Variants in SOS2 observed in about 807,000 individuals in gnomAD.
The protein encoded by SOS2 is son of sevenless homolog 2.
A neutral mutation model predicts 148.2 loss-of-function variants in SOS2; 65 were observed. The observed-to-expected ratio is 0.44, with a 90% CI of 0.36 to 0.54. The LOEUF is 0.54. SOS2 is among the 20% of genes least tolerant of loss of function. SOS2 has a pLI of 0.00. For missense variants in SOS2, 1,341 were observed against 1,590.2 expected (o/e 0.84, Z 2.67); for synonymous variants, 539 against 537.1 (o/e 1.00, Z -0.05).
chr14:50,159,630 C>T lies in SOS2; in HGVS notation c.1653G>A (p.Met551Ile), dbSNP rs1420408221. 1 of 1,613,790 alleles carries T rather than the reference C, an allele frequency of 6.2e-7. No individual in the cohort carries two copies. The highest frequency in any genetic ancestry group is 8.5e-7 in the Non-Finnish European group (1 of 1,179,756). ...SLHYRSTLDRMLDSVLLKEEN... is the reference protein window; with the variant it reads ...SLHYRSTLDRILDSVLLKEEN... ...CTTCTTTCAATAATACTGAATCTAACATTCGATCTAGAGTACTACGATAAT... is the reference window on the plus strand; with the variant it reads ...CTTCTTTCAATAATACTGAATCTAATATTCGATCTAGAGTACTACGATAAT... The change falls in exon 10 of 23, where the codon ATG (methionine) becomes ATA (isoleucine). Residue 551 changes from methionine (M) to isoleucine (I), a missense_variant. This residue lies in a region of SOS2 where 574 missense variants were observed against 711.1 expected (regional missense o/e 0.81). Transcript: ENST00000216373.
intron 1 of SOS2, among the ~76,000 whole-genome samples, chr14:50,211,551 T>G (rs58565092): frequency 0.27 from 40,481 of 148,390 alleles, 6,090 homozygotes; most frequent in East Asian, 0.45. Flanking sequence ...GCAGCATTTG[T>G]TTTTTTTTTG....
In SOS2 at chr14:50,182,504, G is replaced by A. The variant is rs939707624; in HGVS notation, c.817C>T (p.Pro273Ser). 6.2e-7 allele frequency: 1 copy of A among 1,613,692 alleles called. No individual in the cohort carries two copies. The highest frequency in any genetic ancestry group is 1.7e-5 in the Admixed American group (1 of 59,990). ...DTVEMTDESS[P>S]HPLAGSCFED... is the part of the protein sequence containing the mutation. ...AAACAGCTGCCAGCTAAGGGATGAG[G>A]ACTGCTTTCATCAGTCATTTCAACT... The change falls in exon 6 of 23, where the codon CCT becomes TCT. Residue 273 changes from proline to serine, a missense_variant. Pro to Ser is a moderately conservative substitution (Grantham distance 74). Around this residue, in one of 4 missense-constraint regions of SOS2, gnomAD observed 574 missense variants for 711.1 expected, o/e 0.81. Transcript: ENST00000216373.
At chr14:50,180,754 T>C in intron 6 of SOS2, 72 bp from the exon 7 acceptor site, 3 of 833,258 alleles carry the variant, frequency 3.6e-6, no homozygotes, top group Non-Finnish European at 5.6e-6. Flanking sequence ...TACAGATTAT[T>C]ATCACTTGAT....
intron 4 of SOS2, among the ~76,000 whole-genome samples, chr14:50,198,625 T>C (rs984384204): frequency 3.3e-5 from 5 of 152,218 alleles, no homozygotes; most frequent in African/African-American, 4.8e-5. Flanking sequence ...CAGTCAAGGC[T>C]GAGAACCACC....
At chr14:50,180,713 G>T in intron 6 of SOS2, 31 bp from the exon 7 acceptor site, 2 of 1,230,042 alleles carry the variant, frequency 1.6e-6, no homozygotes, top group Non-Finnish European at 1.2e-6. Flanking sequence ...AAAGCATTAG[G>T]TTTAAAAGAA....
chr14:50,199,201 T>C (rs1029309748), intron 4 of SOS2, among the ~76,000 whole-genome samples: 2 of 152,044 alleles, frequency 1.3e-5, no homozygotes, highest in African/African-American at 4.8e-5. Context: ...TATAGAAGAA[T>C]ATGGAAGACT....
intron 7 of SOS2, among the ~76,000 whole-genome samples, chr14:50,178,087 C>T (rs145834747): frequency 5.9e-5 from 9 of 152,222 alleles, no homozygotes; most frequent in Admixed American, 2.6e-4. Flanking sequence ...TCAGAGAAGA[C>T]GAAAATTGGG....
intron 1 of SOS2, among the ~76,000 whole-genome samples, chr14:50,223,256 C>T (rs1034692440): frequency 2.0e-5 from 3 of 152,106 alleles, no homozygotes; most frequent in South Asian, 2.1e-4. Context: ...AAAAAGTTGG[C>T]CGGGTGTGGT....
intron 8 of SOS2, among the ~76,000 whole-genome samples, chr14:50,164,063 G>T (rs1885093678): frequency 6.6e-6 from 1 of 152,184 alleles, no homozygotes; most frequent in Admixed American, 6.5e-5. Flanking sequence ...ATTTTCAGCA[G>T]TGAGATTTGA....
rs756422788 is a variant in SOS2, at chr14:50,180,563, T to C, written c.969+9A>G. Reference sequence around the variant, plus strand: ...AAAAAAAAAAAAAAAACCTTCAATTTAAGTTTACCTGAAAGTGTAGAGCAA... The same window carrying C: ...AAAAAAAAAAAAAAAACCTTCAATTCAAGTTTACCTGAAAGTGTAGAGCAA... On this transcript the variant is annotated intron_variant, in intron 7 of 22. Transcript: ENST00000216373. 8.2e-7 allele frequency: 1 copy of C among 1,215,942 alleles called. No homozygotes were observed. Among genetic ancestry groups the C allele is most frequent in the Non-Finnish European group, 1.2e-6 (1 of 864,338 alleles). 75.3% of individuals were successfully genotyped at this position (1,215,942 alleles called of 1,614,324 possible).
Position 50,129,971 on chromosome 14 carries a change from CA to C in SOS2, c.3368del (p.Leu1123CysfsTer17). On this transcript the variant is annotated frameshift_variant, in exon 21 of 23. Transcript: ENST00000216373. LOFTEE classifies it high-confidence loss of function. ...TTAAATTATACTTACTTGAATGTGG[CA>C]AAAGCACTGGAGCAAAGATGCTATT... ...GSNSIFAPVL[L>X]PHSKSFFSSC... 6.3e-7 allele frequency: 1 copy of C among 1,589,824 alleles called. No homozygotes were observed. Among genetic ancestry groups the C allele is most frequent in the Non-Finnish European group, 8.6e-7 (1 of 1,162,462 alleles).
intron 10 of SOS2, among the ~76,000 whole-genome samples, chr14:50,158,960 G>A (rs532108004): frequency 1.3e-5 from 2 of 152,180 alleles, no homozygotes; most frequent in African/African-American, 2.4e-5. Context: ...CGAGGTGGGC[G>A]GATCACGAGG....
chr14:50,213,296 T>C (rs1345670994), intron 1 of SOS2, among the ~76,000 whole-genome samples: 1 of 152,086 alleles, frequency 6.6e-6, no homozygotes, highest in African/African-American at 2.4e-5. Context: ...TGGTAAAAAG[T>C]TTGAATTTGG....
chr14:50,159,206 T>C (rs1884919067), intron 10 of SOS2, among the ~76,000 whole-genome samples: 1 of 152,044 alleles, frequency 6.6e-6, no homozygotes, highest in African/African-American at 2.4e-5. Flanking sequence ...AAAAAATTCA[T>C]GAATATGCAT....
intron 8 of SOS2, among the ~76,000 whole-genome samples, chr14:50,173,328 T>G (rs1194400940): frequency 1.3e-5 from 2 of 152,148 alleles, no homozygotes; most frequent in Non-Finnish European, 2.9e-5. Context: ...GCAAGGAATA[T>G]ATATGATTAT....
Position 50,189,331 on chromosome 14 carries a change from C to CAA in SOS2, c.511-633_511-632dup, listed in dbSNP as rs761860061. ...ACACACACACACACACACATAATAG[C>CAA]AAAAAAAAAAAAAAAAAGCAAGCCT... On this transcript the variant is annotated intron_variant, in intron 4 of 22. Transcript: ENST00000216373. Among the ~76,000 whole-genome samples the CAA allele has an allele frequency of 3.5e-4, 11 of 31,472 alleles. 2 individuals are homozygous for CAA. Among genetic ancestry groups the CAA allele is most frequent in the Middle Eastern group, 0.033 (1 of 30 alleles). 20.6% of individuals were successfully genotyped at this position (31,472 alleles called of 152,430 possible). A position where few individuals can be genotyped will look rare whatever the true frequency, so the allele number is the denominator to read the frequency against.
intron 1 of SOS2, among the ~76,000 whole-genome samples, chr14:50,220,333 G>A (rs1160079153): frequency 7.2e-6 from 1 of 138,092 alleles, no homozygotes; most frequent in Non-Finnish European, 1.5e-5. Context: ...GTGAACCCGG[G>A]AGGCAGAGCT....
At chr14:50,153,381 T>C (rs1249856957) in intron 12 of SOS2, among the ~76,000 whole-genome samples, 1 of 151,510 alleles carries the variant, frequency 6.6e-6, no homozygotes, top group Non-Finnish European at 1.5e-5. Flanking sequence ...TAATAAAATG[T>C]ATACTTTTAA....
chr14:50,224,310 TATATAC>T (rs1391256085), intron 1 of SOS2, among the ~76,000 whole-genome samples: 21 of 62,018 alleles, frequency 3.4e-4, no homozygotes, highest in Admixed American at 7.5e-4. Flanking sequence ...AAAAAATATA[TATATAC>T]ACACACACAC....
Sources: gnomAD v4.1 joint callset for allele counts (sites outside exome capture counted in the v4.1 genomes callset) on GRCh38, gnomAD v4.1.1 for gene constraint, gnomAD v4.1.1 regional missense constraint, MANE v1.5 for transcripts, NCBI Gene and HGNC (gene_info 2026-07-23, HGNC 2026-07-21) for gene names.